ERBB4: variants seen among roughly 807,000 people sequenced by gnomAD.
ERBB4 encodes receptor tyrosine-protein kinase erbB-4.
Under a neutral mutation model 158.0 loss-of-function variants are expected in ERBB4, and 42 were observed. The observed-to-expected ratio is 0.27, with a 90% CI of 0.21 to 0.34. ERBB4 has a LOEUF of 0.34. ERBB4 is among the 10% of genes least tolerant of loss of function. The pLI is 1.00. For missense variants in ERBB4, 1,333 were observed against 1,624.1 expected (o/e 0.82, Z 3.08); for synonymous variants, 583 against 558.7 (o/e 1.04, Z -0.61).
intron 3 of ERBB4, among the ~76,000 whole-genome samples, chr2:211,828,570 A>AT (rs60698486): frequency 0.23 from 35,125 of 151,900 alleles, 4,208 homozygotes; most frequent in South Asian, 0.33. Flanking sequence ...TTATTTTTAC[A>AT]TTTTTTTGTC....
chr2:212,493,590 A>T (rs1251085503), intron 1 of ERBB4, among the ~76,000 whole-genome samples: 1 of 151,740 alleles, frequency 6.6e-6, no homozygotes, highest in African/African-American at 2.4e-5. Flanking sequence ...AATTTCATAA[A>T]GCAAATTTAA....
chr2:211,610,670 A>C (rs1020347904), intron 19 of ERBB4, among the ~76,000 whole-genome samples: 2 of 152,180 alleles, frequency 1.3e-5, no homozygotes, highest in African/African-American at 2.4e-5. Context: ...TGGCATCATA[A>C]CACATCCTCT....
intron 1 of ERBB4, among the ~76,000 whole-genome samples, chr2:212,222,921 TAAAG>T (rs2083344373): frequency 6.6e-6 from 1 of 151,514 alleles, no homozygotes; most frequent in Admixed American, 6.6e-5. Context: ...ATTGGATAGA[TAAAG>T]AGTCACATTC....
intron 21 of ERBB4, 145 bp from the exon 22 acceptor site, chr2:211,428,628 G>GTTAAT: frequency 2.2e-6 from 1 of 461,292 alleles, no homozygotes; most frequent in East Asian, 3.5e-5. Context: ...ATAAATATAT[G>GTTAAT]TTAATTTATG....
intron 2 of ERBB4, among the ~76,000 whole-genome samples, chr2:211,962,683 G>A (rs1306567178): frequency 1.3e-5 from 2 of 152,124 alleles, no homozygotes; most frequent in Non-Finnish European, 2.9e-5. Context: ...AAGAGATGCG[G>A]AAGGCAGTGA....
intron 1 of ERBB4, among the ~76,000 whole-genome samples, chr2:212,427,678 T>G (rs1250986655): frequency 1.3e-5 from 2 of 152,080 alleles, no homozygotes. Flanking sequence ...TAGCAATAAT[T>G]TGAGTAGTTA....
At chr2:212,464,830 C>G (rs906915424) in intron 1 of ERBB4, among the ~76,000 whole-genome samples, 21 of 151,658 alleles carry the variant, frequency 1.4e-4, no homozygotes, top group African/African-American at 4.8e-4. Flanking sequence ...AGTCGGCACT[C>G]AAAACTATTT....
intron 2 of ERBB4, among the ~76,000 whole-genome samples, chr2:211,967,523 T>C (rs914417345): frequency 6.6e-6 from 1 of 152,046 alleles, no homozygotes; most frequent in Non-Finnish European, 1.5e-5. Flanking sequence ...TACTCAAGAA[T>C]TAGCAACATC....
chr2:212,124,507 A>G (rs1457759411), intron 2 of ERBB4: 4 of 514,928 alleles, frequency 7.8e-6, no homozygotes, highest in Non-Finnish European at 1.4e-5. Context: ...CTACATGGTG[A>G]CAGAATCTTT....
intron 20 of ERBB4, among the ~76,000 whole-genome samples, chr2:211,513,385 A>T (rs1036093372): frequency 1.3e-5 from 2 of 148,296 alleles, no homozygotes; most frequent in Non-Finnish European, 3.0e-5. Flanking sequence ...AACAAAAAAA[A>T]AACACTGATC....
intron 1 of ERBB4, among the ~76,000 whole-genome samples, chr2:212,440,988 G>C (rs1023778179): frequency 1.3e-5 from 2 of 152,150 alleles, no homozygotes; most frequent in African/African-American, 4.8e-5. Flanking sequence ...ATCTCCTCTA[G>C]AGAAAGAACT....
chr2:211,892,494 G>C (rs1405438584), intron 3 of ERBB4, among the ~76,000 whole-genome samples: 1 of 136,218 alleles, frequency 7.3e-6, no homozygotes, highest in Admixed American at 7.2e-5. Flanking sequence ...TTGAAAACTG[G>C]CACAAGACAG....
chr2:211,786,613 C>T (rs923941706), intron 4 of ERBB4, among the ~76,000 whole-genome samples: 3 of 152,188 alleles, frequency 2.0e-5, no homozygotes, highest in Non-Finnish European at 2.9e-5. Context: ...CAGACCTTTC[C>T]TGCTCCAAAT....
rs2125307234 is a variant in ERBB4 at position 211,383,561 on chromosome 2, G to A, written c.*54C>T. 8 of 1,434,970 alleles carry A rather than the reference G, an allele frequency of 5.6e-6. No homozygotes were observed. The South Asian group carries it at 9.2e-5, about 17-fold the overall frequency. The allele number at this position is 1,434,970 out of a possible 1,614,324, so 88.9% of individuals were successfully genotyped here. A position where few individuals can be genotyped will look rare whatever the true frequency, so the allele number is the denominator to read the frequency against. ...GGAAGACCACCAGAGAAAGAGAGGG[G>A]GGTGGGGAAATTGGAGCAGGTGTGT... On this transcript the variant is annotated 3_prime_UTR_variant, in exon 28 of 28. Transcript: ENST00000342788.
intron 2 of ERBB4, among the ~76,000 whole-genome samples, chr2:212,101,237 G>T (rs766840466): frequency 6.6e-6 from 1 of 151,260 alleles, no homozygotes; most frequent in East Asian, 1.9e-4. Flanking sequence ...AGCACATGGC[G>T]GATAATAAAA....
chr2:212,190,536 CAAAA>C (rs11362884), intron 1 of ERBB4, among the ~76,000 whole-genome samples: 10 of 129,096 alleles, frequency 7.7e-5, no homozygotes, highest in Non-Finnish European at 1.3e-4. Context: ...GACTCCGTCT[CAAAA>C]AAAAAAAAAA....
intron 1 of ERBB4, among the ~76,000 whole-genome samples, chr2:212,245,846 G>C (rs1004827706): frequency 6.6e-6 from 1 of 152,102 alleles, no homozygotes; most frequent in Non-Finnish European, 1.5e-5. Flanking sequence ...TGCTCTCTGA[G>C]ATACTCCCCT....
intron 1 of ERBB4, among the ~76,000 whole-genome samples, chr2:212,401,440 C>T (rs773502984): frequency 3.3e-5 from 5 of 152,064 alleles, no homozygotes; most frequent in Non-Finnish European, 7.4e-5. Flanking sequence ...GGTTTGAAAG[C>T]TCATATTGAT....
chr2:211,398,339 C>T (rs1315920263), intron 25 of ERBB4, among the ~76,000 whole-genome samples: 2 of 152,106 alleles, frequency 1.3e-5, no homozygotes, highest in Non-Finnish European at 2.9e-5. Context: ...CACTGGGATA[C>T]TTAGAGAGTA....
Sources: allele counts gnomAD v4.1 joint callset (sites outside exome capture counted in the v4.1 genomes callset), GRCh38; gene constraint gnomAD v4.1.1; transcripts MANE v1.5; gene names NCBI Gene and HGNC (gene_info 2026-07-23, HGNC 2026-07-21).